The following DACH2 variants were observed in gnomAD, a reference collection of about 807,000 sequenced individuals.
DACH2 encodes dachshund family transcription factor 2.
A neutral mutation model predicts 35.8 loss-of-function variants in DACH2; 17 were observed. The ratio of observed to expected loss-of-function variants is 0.48; its 90% CI spans 0.33 to 0.71. DACH2 has a LOEUF of 0.71. DACH2 is among the 30% of genes least tolerant of loss of function. The pLI, the probability that DACH2 is intolerant of heterozygous loss-of-function variation, is 0.02. For missense variants in DACH2, 469 were observed against 472.7 expected, an observed-to-expected ratio of 0.99 and a Z score of 0.07; for synonymous variants, 195 against 177.3, an observed-to-expected ratio of 1.10 and a Z score of -0.79.
chrX:86,199,547 A>G (rs767246895), intron 1 of DACH2, among the ~76,000 whole-genome samples: 226 of 112,095 alleles, frequency 2.0e-3, no homozygotes, highest in Non-Finnish European at 3.3e-3. Context: ...CTTTAAACTG[A>G]TAAACAACTT....
At chrX:86,288,353 G>A (rs1311827754) in intron 1 of DACH2, among the ~76,000 whole-genome samples, 1 of 111,956 alleles carries the variant, frequency 8.9e-6, no homozygotes, top group Non-Finnish European at 1.9e-5. Flanking sequence ...CCACAGCACT[G>A]AGTCTCACCC....
At chrX:86,258,697 C>T (rs1015246979) in intron 1 of DACH2, among the ~76,000 whole-genome samples, 1 of 111,559 alleles carries the variant, frequency 9.0e-6, no homozygotes, top group African/African-American at 3.2e-5. Flanking sequence ...TAGTTTAATA[C>T]ATTTTCCAGT....
At chrX:86,174,823 A>G (rs1398436974) in intron 1 of DACH2, among the ~76,000 whole-genome samples, 2 of 110,559 alleles carry the variant, frequency 1.8e-5, no homozygotes, top group Admixed American at 1.9e-4. Flanking sequence ...GACTACAGGT[A>G]CATGCCACCA....
intron 7 of DACH2, among the ~76,000 whole-genome samples, chrX:86,770,491 T>C (rs2041978199): frequency 9.0e-6 from 1 of 111,487 alleles, no homozygotes; most frequent in African/African-American, 3.3e-5. Context: ...AATACTGCCT[T>C]TCCTCCTTGC....
chrX:86,732,574 G>A (rs1388049308), intron 6 of DACH2, among the ~76,000 whole-genome samples: 2 of 111,479 alleles, frequency 1.8e-5, no homozygotes, highest in Admixed American at 9.6e-5. Context: ...TGTGACCTTA[G>A]GCAAATTAAT....
At chrX:86,733,899 T>G (rs1453107820) in intron 6 of DACH2, among the ~76,000 whole-genome samples, 1 of 109,877 alleles carries the variant, frequency 9.1e-6, no homozygotes, top group Non-Finnish European at 1.9e-5. Context: ...GAATCACTAC[T>G]TGGGTCTCAT....
chrX:86,228,451 G>GAAAAAA (rs776077441), intron 1 of DACH2, among the ~76,000 whole-genome samples: 4 of 93,179 alleles, frequency 4.3e-5, no homozygotes, highest in African/African-American at 1.8e-4. Flanking sequence ...GGGTAAAGAG[G>GAAAAAA]AAAAAAAAAA....
chrX:86,725,450 G>A (rs776672700), intron 6 of DACH2, among the ~76,000 whole-genome samples: 3 of 111,522 alleles, frequency 2.7e-5, no homozygotes, highest in East Asian at 2.8e-4. Flanking sequence ...GATTTCCTCC[G>A]TGGTTAGGGT....
At chrX:86,617,907 T>G (rs1043161051) in intron 3 of DACH2, among the ~76,000 whole-genome samples, 1 of 112,485 alleles carries the variant, frequency 8.9e-6, no homozygotes, top group Non-Finnish European at 1.9e-5. Context: ...TTTCACTTTC[T>G]TTACCTATAA....
chrX:86,681,607 C>A (rs183026425), intron 4 of DACH2, among the ~76,000 whole-genome samples: 2,665 of 101,297 alleles, frequency 0.026, 103 homozygotes, highest in African/African-American at 0.09. Context: ...CTCTCTCTCT[C>A]TCTATATATA....
At chrX:86,449,904 A>G (rs1446098425) in intron 2 of DACH2, among the ~76,000 whole-genome samples, 2 of 111,698 alleles carry the variant, frequency 1.8e-5, no homozygotes, top group South Asian at 3.7e-4. Flanking sequence ...TACTTATGAT[A>G]TGTGATTCAC....
At chrX:86,469,563 C>G (rs1427242074) in intron 2 of DACH2, among the ~76,000 whole-genome samples, 2 of 110,809 alleles carry the variant, frequency 1.8e-5, no homozygotes, top group Non-Finnish European at 3.8e-5. Flanking sequence ...GCTTCTCTAT[C>G]TAGTCCACAC....
intron 2 of DACH2, among the ~76,000 whole-genome samples, chrX:86,485,106 A>T (rs1250209226): frequency 8.9e-6 from 1 of 111,922 alleles, no homozygotes; most frequent in Non-Finnish European, 1.9e-5. Context: ...TTCAAACCTT[A>T]TATAATATAC....
intron 1 of DACH2, among the ~76,000 whole-genome samples, chrX:86,230,535 C>A (rs1264040747): frequency 9.0e-6 from 1 of 111,177 alleles, no homozygotes; most frequent in Non-Finnish European, 1.9e-5. Context: ...CTTTCTCTCT[C>A]TTGTGGAATA....
At chrX:86,765,066 A>C (rs2041918642) in intron 7 of DACH2, among the ~76,000 whole-genome samples, 1 of 110,754 alleles carries the variant, frequency 9.0e-6, no homozygotes, top group South Asian at 3.8e-4. Flanking sequence ...TCCCATTTTT[A>C]AGTGGATTTT....
intron 2 of DACH2, among the ~76,000 whole-genome samples, 196 bp downstream of exon 2, chrX:86,377,058 G>T (rs1211891593): frequency 1.8e-5 from 2 of 111,131 alleles, no homozygotes; most frequent in African/African-American, 6.5e-5. Context: ...GAAATCCAAA[G>T]AGTGAATTAC....
At position 86,832,274 on chromosome X, in the gene DACH2, GCTATTTAAT is replaced by G; in HGVS notation, c.*124_*132del. 1.8e-6 allele frequency: 1 copy of G among 568,464 alleles called. No homozygotes were observed. Among genetic ancestry groups the G allele is most frequent in the Non-Finnish European group, 2.9e-6 (1 of 350,560 alleles). 46.8% of individuals were successfully genotyped at this position (568,464 alleles called of 1,213,427 possible). On this transcript the variant is annotated 3_prime_UTR_variant, in exon 12 of 12. Coordinates refer to ENST00000373125, the MANE Select transcript of DACH2 (RefSeq NM_053281.3). ...CAGCAAAGCTTTGTTTACTGAAGGAGCTATTTAATCTATGTTACATTAAAAAAGAAACGC... is the reference window on the plus strand; with the variant it reads ...CAGCAAAGCTTTGTTTACTGAAGGAGCTATGTTACATTAAAAAAGAAACGC...
Position 86,402,938 on chromosome X carries a change from C to A in DACH2, c.527+26076C>A, listed in dbSNP as rs183022786. On this transcript the variant is annotated intron_variant, in intron 2 of 11. Coordinates refer to ENST00000373125, the MANE Select transcript of DACH2 (RefSeq NM_053281.3). ...ACAAAAATAAGCAAAGGGGAAAGGA[C>A]TTCCTATCCAATAAATGACACTGGG... is the stretch of plus-strand genomic sequence containing the variant. Among the ~76,000 whole-genome samples, 516 of 111,917 alleles carry A rather than the reference C, an allele frequency of 4.6e-3. 2 individuals carry two copies. Among genetic ancestry groups the A allele is most frequent in the African/African-American group, 0.016 (493 of 30,822 alleles).
chrX:86,490,340 T>A (rs1362935646), intron 2 of DACH2, among the ~76,000 whole-genome samples: 1 of 111,462 alleles, frequency 9.0e-6, no homozygotes, highest in Non-Finnish European at 1.9e-5. Context: ...TCAGGTTAAT[T>A]TTGCAGAATG....
Sources: gnomAD v4.1 joint callset for allele counts (sites outside exome capture counted in the v4.1 genomes callset) on GRCh38, gnomAD v4.1.1 for gene constraint, MANE v1.5 for transcripts, NCBI Gene and HGNC (gene_info 2026-07-23, HGNC 2026-07-21) for gene names.